PLXDC2: variants seen among roughly 807,000 people sequenced by gnomAD.
PLXDC2 encodes the protein plexin domain containing 2.
Under a neutral mutation model 68.9 loss-of-function variants are expected in PLXDC2, and 40 were observed. The observed-to-expected ratio is 0.58, with a 90% CI of 0.45 to 0.76. PLXDC2 has a LOEUF of 0.76. PLXDC2 is among the 30% of genes least tolerant of loss of function. PLXDC2 has a pLI of 0.00. For synonymous variants in PLXDC2, 243 were observed against 234.2 expected, an observed-to-expected ratio of 1.04 and a Z score of -0.34; for missense variants, 644 against 661.9, an observed-to-expected ratio of 0.97 and a Z score of 0.30.
chr10:20,050,271 C>A (rs1835869739), intron 3 of PLXDC2, among the ~76,000 whole-genome samples: 1 of 152,194 alleles, frequency 6.6e-6, no homozygotes, highest in South Asian at 2.1e-4. Flanking sequence ...GGAAGACAAC[C>A]TAGGCAATAC....
chr10:19,969,984 C>T (rs1455237589), intron 1 of PLXDC2, among the ~76,000 whole-genome samples: 1 of 152,212 alleles, frequency 6.6e-6, no homozygotes, highest in African/African-American at 2.4e-5. Context: ...AAGTCAGCCA[C>T]ATAAAGTGGC....
In PLXDC2 at chr10:19,996,815, G is replaced by A. The variant is rs145704885; in HGVS notation, c.113-4960G>A. Among the ~76,000 whole-genome samples, 252 of 152,266 alleles carry A rather than the reference G, an allele frequency of 1.7e-3. 1 individual carries two copies. Among genetic ancestry groups the A allele is most frequent in the African/African-American group, 5.2e-3 (217 of 41,566 alleles). On this transcript the variant is annotated intron_variant, in intron 1 of 13. Coordinates refer to ENST00000377252, the MANE Select transcript of PLXDC2 (RefSeq NM_032812.9). ...GGAGGGGCAAGTCACATCTTACATG[G>A]AGGGCAACAGGCAAAGAGAGAGAGG...
intron 4 of PLXDC2, among the ~76,000 whole-genome samples, chr10:20,080,246 C>T (rs1231481599): frequency 6.6e-6 from 1 of 152,060 alleles, no homozygotes; most frequent in African/African-American, 2.4e-5. Context: ...GCTGAGATTG[C>T]AGGTTGTATT....
chr10:20,012,336 G>GTTTTT (rs1564656425), intron 2 of PLXDC2, among the ~76,000 whole-genome samples: 396 of 33,160 alleles, frequency 0.012, 152 homozygotes, highest in African/African-American at 0.019. Context: ...TTTTTTTTTG[G>GTTTTT]AGAAGGAGAC....
chr10:19,876,856 A>C (rs983818851), intron 1 of PLXDC2, among the ~76,000 whole-genome samples: 11 of 152,180 alleles, frequency 7.2e-5, no homozygotes, highest in Non-Finnish European at 1.6e-4. Context: ...TGGCTAGCTT[A>C]AAGTTGTTAA....
chr10:20,160,724 A>G lies in PLXDC2; in HGVS notation c.784-3744A>G, dbSNP rs866367826. 1.6e-4 allele frequency among the ~76,000 whole-genome samples: 24 copies of G among 152,334 alleles called. 1 individual carries two copies. In the Middle Eastern group the frequency reaches 0.017, roughly 108 times the overall value. On this transcript the variant is annotated intron_variant, in intron 6 of 13. Transcript: ENST00000377252. ...TTAGTTTTTGAAATGCACAGACAAA[A>G]GAATAAACTAAAGAGACAGAAGAAT... is the stretch of plus-strand genomic sequence containing the variant.
intron 1 of PLXDC2, among the ~76,000 whole-genome samples, chr10:19,946,930 C>T (rs1428411465): frequency 6.6e-6 from 1 of 152,130 alleles, no homozygotes; most frequent in South Asian, 2.1e-4. Flanking sequence ...ACCTGCCACT[C>T]ACCTCCTGCT....
At chr10:20,221,814 C>G (rs1262056661) in intron 12 of PLXDC2, among the ~76,000 whole-genome samples, 1 of 152,122 alleles carries the variant, frequency 6.6e-6, no homozygotes, top group African/African-American at 2.4e-5. Context: ...CTGACATTTA[C>G]TGAGGTTGAT....
chr10:19,963,743 G>A (rs958571301), intron 1 of PLXDC2, among the ~76,000 whole-genome samples: 1 of 151,962 alleles, frequency 6.6e-6, no homozygotes, highest in Non-Finnish European at 1.5e-5. Flanking sequence ...TTTAAATGAC[G>A]AGTTAATGGG....
At chr10:20,080,762 C>A (rs1473105954) in intron 4 of PLXDC2, among the ~76,000 whole-genome samples, 1 of 152,192 alleles carries the variant, frequency 6.6e-6, no homozygotes, top group African/African-American at 2.4e-5. Flanking sequence ...ATCCTTCAAT[C>A]CAATCAAGTT....
intron 10 of PLXDC2, among the ~76,000 whole-genome samples, chr10:20,212,893 T>A (rs1420457086): frequency 1.3e-5 from 2 of 152,100 alleles, no homozygotes; most frequent in East Asian, 3.9e-4. Context: ...ATCATTTCTT[T>A]CATATAATCA....
chr10:19,844,324 G>A (rs1836962532), intron 1 of PLXDC2, among the ~76,000 whole-genome samples: 1 of 152,184 alleles, frequency 6.6e-6, no homozygotes, highest in Admixed American at 6.5e-5. Flanking sequence ...CGGGTACAGA[G>A]TTTCAGTCAA....
chr10:19,914,672 G>A lies in PLXDC2; in HGVS notation c.113-87103G>A, dbSNP rs1002806646. Among the ~76,000 whole-genome samples the A allele has an allele frequency of 3.9e-5, 6 of 152,162 alleles. No homozygotes were observed. The South Asian group carries it at 1.0e-3, about 26-fold the overall frequency. On this transcript the variant is annotated intron_variant, in intron 1 of 13. Coordinates refer to ENST00000377252, the MANE Select transcript of PLXDC2 (RefSeq NM_032812.9). ...ATTTATACCTTTGAACAATTCTATA[G>A]CATAGACTCCATCAGTCCCATTATT...
intron 1 of PLXDC2, among the ~76,000 whole-genome samples, chr10:19,840,942 A>G (rs1428405830): frequency 6.6e-6 from 1 of 152,210 alleles, no homozygotes; most frequent in Admixed American, 6.5e-5. Context: ...CAATTACACT[A>G]ATAACAACAT....
intron 2 of PLXDC2, among the ~76,000 whole-genome samples, chr10:20,026,613 G>A (rs1383840632): frequency 4.6e-5 from 7 of 151,934 alleles, no homozygotes; most frequent in African/African-American, 1.7e-4. Context: ...TCTGAATCCG[G>A]GCTGCAGTGC....
chr10:20,143,262 T>A, intron 4 of PLXDC2, 33 bp from the exon 5 acceptor site: 1 of 1,578,114 alleles, frequency 6.3e-7, no homozygotes, highest in Non-Finnish European at 8.6e-7. Context: ...GGGCTTCTTT[T>A]TCTGAATATG....
intron 9 of PLXDC2, among the ~76,000 whole-genome samples, chr10:20,195,874 C>T (rs891753317): frequency 6.6e-6 from 1 of 152,108 alleles, no homozygotes; most frequent in Non-Finnish European, 1.5e-5. Flanking sequence ...ACAAAATCTA[C>T]TGGTGACAGG....
intron 1 of PLXDC2, among the ~76,000 whole-genome samples, chr10:19,820,075 G>T (rs1162205948): frequency 6.6e-6 from 1 of 152,144 alleles, no homozygotes; most frequent in Non-Finnish European, 1.5e-5. Flanking sequence ...TGGAGCTTGA[G>T]GTTGGGTAAG....
intron 3 of PLXDC2, among the ~76,000 whole-genome samples, chr10:20,051,153 A>G (rs961042234): frequency 6.6e-6 from 1 of 151,922 alleles, no homozygotes; most frequent in Non-Finnish European, 1.5e-5. Flanking sequence ...CAAATACACC[A>G]TGTTCTCACT....
Sources: allele counts gnomAD v4.1 joint callset (sites outside exome capture counted in the v4.1 genomes callset), GRCh38; gene constraint gnomAD v4.1.1; transcripts MANE v1.5; gene names NCBI Gene and HGNC (gene_info 2026-07-23, HGNC 2026-07-21).